Variants in MGAM observed in about 807,000 individuals in gnomAD.
The protein encoded by MGAM is alpha-1,4-glucosidase.
A neutral mutation model predicts 358.8 loss-of-function variants in MGAM; 253 were observed. The observed-to-expected ratio is 0.71, with a 90% CI of 0.64 to 0.78. The LOEUF is 0.78. Ranked by LOEUF, MGAM falls within the 30% of genes least tolerant of loss-of-function variation. The probability of loss-of-function intolerance (pLI) is 0.00; values close to 1 mark genes in which losing one functional copy is unlikely to be tolerated. For missense variants in MGAM, 3,080 were observed against 3,432.6 expected (o/e 0.90, Z 2.57); for synonymous variants, 1,105 against 1,227.1 (o/e 0.90, Z 2.08).
upstream of MGAM, among the ~76,000 whole-genome samples, chr7:141,994,388 GTGGGCA>G (rs1253070023): frequency 6.6e-6 from 1 of 152,158 alleles, no homozygotes; most frequent in East Asian, 1.9e-4. Context: ...GGGTACTTTG[GTGGGCA>G]TGGGGCTGGG....
In MGAM at chr7:142,059,590, T is replaced by C; in HGVS notation, c.3938T>C (p.Ile1313Thr). 1.9e-6 allele frequency: 3 copies of C among 1,611,898 alleles called. No homozygotes were observed. Among genetic ancestry groups the C allele is most frequent in the Non-Finnish European group, 2.5e-6 (3 of 1,178,606 alleles). ...NRMKADGMRV[I>T]LILDPAISGN... ...ATGAAGGCTGATGGGATGCGGGTCATCCTCATTCTGGTTAGTCCTGATGTG... is the reference window on the plus strand; with the variant it reads ...ATGAAGGCTGATGGGATGCGGGTCACCCTCATTCTGGTTAGTCCTGATGTG... Residue 1313 changes from isoleucine to threonine, a missense_variant, in exon 32 of 71, where the codon ATC (isoleucine) becomes ACC (threonine). Coordinates refer to ENST00000475668, the MANE Select transcript of MGAM (RefSeq NM_001365693.1).
rs759358084 is a variant in MGAM at position 142,094,794 on chromosome 7, G to A, written c.7389G>A (p.Met2463Ile). ...CGFFQDAEYE[M>I]CVRWMQLGAF... ...TCTTTCAAGATGCTGAATATGAGATGTGTGTTCGCTGGATGCAGCTGGGGG... is the reference window on the plus strand; with the variant it reads ...TCTTTCAAGATGCTGAATATGAGATATGTGTTCGCTGGATGCAGCTGGGGG... Residue 2463 changes from methionine (M) to isoleucine (I), a missense_variant, in exon 63 of 71, where the codon ATG (methionine) becomes ATA (isoleucine). This residue lies in a region of MGAM where 932 missense variants were observed against 1,198.2 expected (regional missense o/e 0.78). Transcript: ENST00000475668. The A allele has an allele frequency of 3.1e-6, 5 of 1,613,750 alleles. No homozygotes were observed. The African/African-American group carries it at 4.0e-5, about 13-fold the overall frequency.
intron 70 of MGAM, among the ~76,000 whole-genome samples, chr7:142,105,374 G>A (rs529842013): frequency 2.6e-5 from 4 of 151,298 alleles, no homozygotes; most frequent in East Asian, 1.9e-4. Context: ...TGCAGTCTCC[G>A]CCTCCCAAGT....
chr7:141,987,382 T>C (rs1803759776), intron 2 of MGAM, among the ~76,000 whole-genome samples: 1 of 152,238 alleles, frequency 6.6e-6, no homozygotes, highest in Non-Finnish European at 1.5e-5. Context: ...TCTCTGTATC[T>C]TAATAACATG....
intron 13 of MGAM, among the ~76,000 whole-genome samples, chr7:142,032,295 G>A (rs1554464072): frequency 6.6e-6 from 1 of 151,972 alleles, no homozygotes; most frequent in Non-Finnish European, 1.5e-5. Flanking sequence ...GAGCTCCAGA[G>A]TTGAAACTTT....
intron 21 of MGAM, among the ~76,000 whole-genome samples, chr7:142,045,702 G>T (rs1489928269): frequency 1.2e-5 from 1 of 83,918 alleles, no homozygotes; most frequent in African/African-American, 4.6e-5. Context: ...TACAATATAT[G>T]AATATATAAT....
At chr7:142,005,095 C>A (rs1805038469) in intron 1 of MGAM, among the ~76,000 whole-genome samples, 1 of 151,776 alleles carries the variant, frequency 6.6e-6, no homozygotes, top group Admixed American at 6.6e-5. Context: ...AGATATAAAC[C>A]AATTACAAGA....
chr7:142,085,657 G>A (rs1479831313), intron 54 of MGAM, among the ~76,000 whole-genome samples, 176 bp from the exon 55 acceptor site: 3 of 145,768 alleles, frequency 2.1e-5, no homozygotes, highest in East Asian at 2.0e-4. Flanking sequence ...ATCACTGAAC[G>A]TTTGAGAAAT....
intron 10 of MGAM, among the ~76,000 whole-genome samples, chr7:142,029,752 A>G (rs1292247002): frequency 2.6e-5 from 4 of 152,202 alleles, no homozygotes; most frequent in African/African-American, 9.6e-5. Flanking sequence ...AGTGAAATTT[A>G]ACAAGAGATG....
Position 142,103,274 on chromosome 7 carries a change from G to A in MGAM, c.8019G>A (p.Thr2673=), listed in dbSNP as rs374695000. ...YLASFSASQN[T]MQSHIIFNNY... ...TTTTATCTCCAATTCAACAGAATACGATGCAAAGCCATATAATTTTCAACA... is the reference window on the plus strand; with the variant it reads ...TTTTATCTCCAATTCAACAGAATACAATGCAAAGCCATATAATTTTCAACA... Residue 2673 remains threonine, a synonymous_variant, in exon 70 of 71, where the codon ACG becomes ACA. Transcript: ENST00000475668. 8.8e-6 allele frequency: 14 copies of A among 1,591,484 alleles called. No homozygotes were observed. Among genetic ancestry groups the A allele is most frequent in the African/African-American group, 2.7e-5 (2 of 73,816 alleles).
intron 4 of MGAM, among the ~76,000 whole-genome samples, chr7:142,019,662 T>C (rs1039548470): frequency 1.3e-5 from 2 of 152,256 alleles, no homozygotes; most frequent in Admixed American, 1.3e-4. Flanking sequence ...TGTAATTTTA[T>C]GTTATTTTTA....
At chr7:141,998,399 C>G (rs181765652) in intron 1 of MGAM, among the ~76,000 whole-genome samples, 221 of 152,216 alleles carry the variant, frequency 1.5e-3, no homozygotes, top group Admixed American at 2.6e-3. Flanking sequence ...AATTCTCTCC[C>G]TCCCCTAGCC....
chr7:142,070,901 T>G lies in MGAM; in HGVS notation c.5062-93T>G, dbSNP rs1251979239. The G allele has an allele frequency of 9.6e-6, 14 of 1,463,866 alleles. No homozygotes were observed. In the Admixed American group the frequency reaches 2.3e-4, roughly 24 times the overall value. The allele number at this position is 1,463,866 out of a possible 1,614,324, so 90.7% of individuals were successfully genotyped here. On this transcript the variant is annotated intron_variant, in intron 43 of 70. Transcript: ENST00000475668. ...GCAAAGGGTGATGAACAGGCATAAG[T>G]TCAGAGGGGAGGATGAGATGTCTGG...
In MGAM at chr7:142,085,714, A is replaced by T. The variant is rs1475016778; in HGVS notation, c.6508-119A>T. ...GTACCTAACAAATGGCAGAGCTCGGACTTGAAAGCATCAACAAGAAGCTAT... is the reference window on the plus strand; with the variant it reads ...GTACCTAACAAATGGCAGAGCTCGGTCTTGAAAGCATCAACAAGAAGCTAT... On this transcript the variant is annotated intron_variant, in intron 54 of 70. Transcript: ENST00000475668. 4.3e-5 allele frequency: 56 copies of T among 1,304,238 alleles called. 10 individuals are homozygous for T. Among genetic ancestry groups the T allele is most frequent in the Non-Finnish European group, 5.6e-5 (54 of 961,334 alleles). 80.8% of individuals were successfully genotyped at this position (1,304,238 alleles called of 1,614,324 possible).
chr7:142,040,479 A>G (rs767042703), intron 20 of MGAM: 1 of 594,364 alleles, frequency 1.7e-6, no homozygotes, highest in Non-Finnish European at 2.9e-6. Context: ...TATCTGTTTA[A>G]AACTATCAGT....
At position 142,045,578 on chromosome 7, in the gene MGAM, A is replaced by T. The variant is rs1289216865; in HGVS notation, c.2499-2207A>T. 4.1e-4 allele frequency among the ~76,000 whole-genome samples: 34 copies of T among 83,602 alleles called. 2 individuals carry two copies. The highest frequency in any genetic ancestry group is 1.5e-3 in the South Asian group (4 of 2,722). The allele number at this position is 83,602 out of a possible 152,430, so 54.8% of individuals were successfully genotyped here. A position where few individuals can be genotyped will look rare whatever the true frequency, so the allele number is the denominator to read the frequency against. The stretch of plus-strand genomic sequence containing the variant: ...AATATATGAATATATAATATATATT[A>T]TATATACATACAATATATGAATATA... On this transcript the variant is annotated intron_variant, in intron 21 of 70. Transcript: ENST00000475668.
At position 142,099,712 on chromosome 7, in the gene MGAM, G is replaced by C. The variant is rs773173503; in HGVS notation, c.7849G>C (p.Glu2617Gln). ...VRGGYILPWQ[E>Q]PALNTHLSRQ... is the part of the protein sequence containing the mutation. Reference sequence around the variant, plus strand: ...TGGGGGCTACATCCTGCCCTGGCAAGAGCCTGCACTGAACACCCACTTAAG... The same window carrying C: ...TGGGGGCTACATCCTGCCCTGGCAACAGCCTGCACTGAACACCCACTTAAG... The change falls in exon 67 of 71, where the codon GAG (glutamate) becomes CAG (glutamine). Residue 2617 changes from glutamate to glutamine, a missense_variant. Glu to Gln is a conservative substitution (Grantham distance 29, BLOSUM62 2). Coordinates refer to ENST00000475668, the MANE Select transcript of MGAM (RefSeq NM_001365693.1). 96 of 1,613,846 alleles carry C rather than the reference G, an allele frequency of 5.9e-5. 1 individual carries two copies. In the East Asian group the frequency reaches 1.3e-3, roughly 22 times the overall value.
chr7:142,101,258 GTA>G (rs1332450159), intron 68 of MGAM, among the ~76,000 whole-genome samples: 1 of 152,014 alleles, frequency 6.6e-6, no homozygotes, highest in Non-Finnish European at 1.5e-5. Context: ...TCTATCCGTT[GTA>G]TTATTTATGG....
chr7:142,091,979 G>C lies in MGAM; in HGVS notation c.6877G>C (p.Glu2293Gln), dbSNP rs1422147711. The change falls in exon 58 of 71, where the codon GAA (glutamate) becomes CAA (glutamine). Residue 2293 changes from glutamate (E) to glutamine (Q), a missense_variant. Around this residue, in one of 5 missense-constraint regions of MGAM, gnomAD observed 932 missense variants for 1,198.2 expected, o/e 0.78. Coordinates refer to ENST00000475668, the MANE Select transcript of MGAM (RefSeq NM_001365693.1). ...RNSTAKWWKR[E>Q]IEELYNNPQN... is the part of the protein sequence containing the mutation. ...TTCAACTGCCAAGTGGTGGAAGAGG[G>C]AAATAGAAGAACTATACAACAATCC... is the stretch of plus-strand genomic sequence containing the variant. 3.2e-6 allele frequency: 5 copies of C among 1,539,290 alleles called. No individual in the cohort carries two copies. In the African/African-American group the frequency reaches 6.7e-5, roughly 21 times the overall value.
Sources: allele counts gnomAD v4.1 joint callset (sites outside exome capture counted in the v4.1 genomes callset), GRCh38; gene constraint gnomAD v4.1.1; regional missense constraint gnomAD v4.1.1; transcripts MANE v1.5; gene names NCBI Gene and HGNC (gene_info 2026-07-23, HGNC 2026-07-21).